The following COPS3 variants were observed in gnomAD, a reference collection of about 807,000 sequenced individuals.
The protein encoded by COPS3 is COP9 signalosome subunit 3, also known as COP9 signalosome complex subunit 3.
A neutral mutation model predicts 58.2 loss-of-function variants in COPS3; 10 were observed. That is an observed-to-expected ratio of 0.17 (90% confidence interval 0.11 to 0.29). The LOEUF (loss-of-function observed/expected upper bound fraction) is 0.29, where lower values mean the gene tolerates loss of function less well. Among genes scored for constraint, COPS3 ranks in the 10% least tolerant of loss-of-function variants. The pLI is 1.00. For synonymous variants in COPS3, 187 were observed against 181.7 expected, an observed-to-expected ratio of 1.03 and a Z score of -0.24; for missense variants, 333 against 510.1, an observed-to-expected ratio of 0.65 and a Z score of 3.34.
At chr17:17,261,577 A>G in intron 7 of COPS3, 1 of 349,140 alleles carries the variant, frequency 2.9e-6, no homozygotes, top group Non-Finnish European at 5.5e-6. Flanking sequence ...AACAAAATAA[A>G]GGCCAGGCTC....
intron 5 of COPS3, among the ~76,000 whole-genome samples, chr17:17,267,123 G>A (rs1380035111): frequency 2.6e-5 from 4 of 151,616 alleles, no homozygotes; most frequent in African/African-American, 7.3e-5. Flanking sequence ...GGATCACGAC[G>A]TCAGGAGATT....
At chr17:17,270,404 T>C (rs1567859602) in intron 4 of COPS3, among the ~76,000 whole-genome samples, 1 of 152,172 alleles carries the variant, frequency 6.6e-6, no homozygotes, top group African/African-American at 2.4e-5. Context: ...TTTATATTAT[T>C]TTTGAAGCTT....
Position 17,248,931 on chromosome 17 carries a change from G to C in COPS3, c.1132C>G (p.Gln378Glu). 6.4e-7 allele frequency: 1 copy of C among 1,567,336 alleles called. No homozygotes were observed. Among genetic ancestry groups the C allele is most frequent in the Non-Finnish European group, 8.7e-7 (1 of 1,151,990 alleles). Reference sequence around the variant, plus strand: ...AACCTGGCATTCATGTTTACCTCCTGATCAATGTTATGAAGCATGGCTGGG... The same window carrying C: ...AACCTGGCATTCATGTTTACCTCCTCATCAATGTTATGAAGCATGGCTGGG... ...NNPAMLHNID[Q>E]EMLKCIELDE... is the part of the protein sequence containing the mutation. Residue 378 changes from glutamine (Q) to glutamate (E), a missense_variant, in exon 10 of 12, where the codon CAG becomes GAG. Coordinates refer to ENST00000268717, the MANE Select transcript of COPS3 (RefSeq NM_003653.4).
chr17:17,272,780 T>C (rs965821032), intron 2 of COPS3, among the ~76,000 whole-genome samples: 1 of 152,214 alleles, frequency 6.6e-6, no homozygotes, highest in African/African-American at 2.4e-5. Flanking sequence ...TACATGCCTA[T>C]AGTCCTAGCT....
intron 5 of COPS3, among the ~76,000 whole-genome samples, chr17:17,265,236 C>T (rs1339626425): frequency 2.6e-5 from 4 of 152,142 alleles, no homozygotes; most frequent in South Asian, 2.1e-4. Context: ...AACCTGAAAT[C>T]CAATTGCTCC....
chr17:17,247,690 G>C (rs550512308), intron 10 of COPS3, 130 bp from the exon 11 acceptor site: 36 of 799,890 alleles, frequency 4.5e-5, no homozygotes, highest in Non-Finnish European at 6.0e-5. Context: ...GGGCCACATG[G>C]GTTTTGGAGC....
chr17:17,271,875 T>C (rs567611239), intron 2 of COPS3, among the ~76,000 whole-genome samples: 3 of 125,132 alleles, frequency 2.4e-5, no homozygotes, highest in South Asian at 2.3e-4. Flanking sequence ...TACACACACA[T>C]ATGTTTAATA....
At chr17:17,280,217 C>A (rs974627407) in intron 1 of COPS3, among the ~76,000 whole-genome samples, 1 of 152,186 alleles carries the variant, frequency 6.6e-6, no homozygotes, top group African/African-American at 2.4e-5. Context: ...TCGAGACCAG[C>A]CAGGCCAACA....
At chr17:17,270,633 CA>C in intron 4 of COPS3, 124 bp downstream of exon 4, 1 of 867,240 alleles carries the variant, frequency 1.2e-6, no homozygotes, top group East Asian at 2.7e-5. Flanking sequence ...TGAGTGCTCT[CA>C]AGTGACCACA....
intron 2 of COPS3, among the ~76,000 whole-genome samples, chr17:17,273,429 T>C (rs1329926782): frequency 6.6e-6 from 1 of 152,214 alleles, no homozygotes; most frequent in African/African-American, 2.4e-5. Context: ...GGATTTCTAC[T>C]GTCTGTATTT....
Position 17,264,786 on chromosome 17 carries a change from T to A in COPS3, c.621+16A>T. 1 of 1,593,538 alleles carries A rather than the reference T, an allele frequency of 6.3e-7. No homozygotes were observed. The highest frequency in any genetic ancestry group is 1.1e-5 in the South Asian group (1 of 88,350). The stretch of plus-strand genomic sequence containing the variant: ...ACAAGTTCAGAACAACCTCAGCTAA[T>A]TTTTAGAGAGATTACCTGTTCATAA... On this transcript the variant is annotated intron_variant, in intron 6 of 11. Transcript: ENST00000268717.
intron 8 of COPS3, among the ~76,000 whole-genome samples, chr17:17,259,409 C>CA (rs1415005107): frequency 6.6e-6 from 1 of 152,150 alleles, no homozygotes; most frequent in Non-Finnish European, 1.5e-5. Context: ...GAACGTTTGA[C>CA]ATTAAGCATA....
At position 17,280,648 on chromosome 17, in the gene COPS3, G is replaced by A. The variant is rs1038626755; in HGVS notation, c.55+484C>T. The A allele has an allele frequency of 1.0e-5, 13 of 1,304,138 alleles. No homozygotes were observed. The African/African-American group carries it at 1.8e-4, about 18-fold the overall frequency. 80.8% of individuals were successfully genotyped at this position (1,304,138 alleles called of 1,614,324 possible). The stretch of plus-strand genomic sequence containing the variant: ...TCCCGAGCGTGCGCCGCCTGGCAGC[G>A]GAGGAGCTGGCAGAGGCGAGCCATA... On this transcript the variant is annotated intron_variant, in intron 1 of 11. Transcript: ENST00000268717.
intron 5 of COPS3, among the ~76,000 whole-genome samples, chr17:17,265,699 G>A: frequency 6.6e-6 from 1 of 152,030 alleles, no homozygotes; most frequent in Non-Finnish European, 1.5e-5. Context: ...TCACCTGGGG[G>A]AGCATTTCTT....
chr17:17,259,137 C>T (rs2048039732), intron 8 of COPS3, among the ~76,000 whole-genome samples: 1 of 152,074 alleles, frequency 6.6e-6, no homozygotes, highest in Non-Finnish European at 1.5e-5. Context: ...TGCTGGGTAG[C>T]CTAGCAAAAA....
At chr17:17,278,166 T>A (rs2048501018) in intron 1 of COPS3, among the ~76,000 whole-genome samples, 1 of 151,832 alleles carries the variant, frequency 6.6e-6, no homozygotes, top group Non-Finnish European at 1.5e-5. Context: ...AAAAAAAAAA[T>A]TAGGCCTGAA....
chr17:17,250,333 C>T (rs1257711238), intron 9 of COPS3, among the ~76,000 whole-genome samples: 1 of 148,630 alleles, frequency 6.7e-6, no homozygotes, highest in East Asian at 2.0e-4. Flanking sequence ...CTGCTCACTG[C>T]AACCTCCACC....
intron 8 of COPS3, among the ~76,000 whole-genome samples, chr17:17,259,663 G>A (rs2048050172): frequency 1.3e-5 from 2 of 152,182 alleles, no homozygotes; most frequent in South Asian, 2.1e-4. Flanking sequence ...GGGAGGCCAA[G>A]GCAGGTGGAT....
intron 2 of COPS3, among the ~76,000 whole-genome samples, chr17:17,273,803 G>T (rs2048401862): frequency 6.6e-6 from 1 of 152,180 alleles, no homozygotes; most frequent in Non-Finnish European, 1.5e-5. Flanking sequence ...AGTGAGCTGT[G>T]CTCATGCCAC....
Sources: allele counts gnomAD v4.1 joint callset (sites outside exome capture counted in the v4.1 genomes callset), GRCh38; gene constraint gnomAD v4.1.1; transcripts MANE v1.5; gene names NCBI Gene and HGNC (gene_info 2026-07-23, HGNC 2026-07-21).